PCDHA13: variants seen among roughly 807,000 people sequenced by gnomAD.
PCDHA13 encodes protocadherin alpha 13, also known as protocadherin alpha-13.
In PCDHA13, 54 loss-of-function variants were observed where a neutral mutation model predicts 64.8. The observed-to-expected ratio is 0.83, with a 90% CI of 0.67 to 1.04. The LOEUF is 1.04. Among genes scored for constraint, PCDHA13 ranks in the 50% least tolerant of loss-of-function variants. The pLI, the probability that PCDHA13 is intolerant of heterozygous loss-of-function variation, is 0.00. For synonymous variants in PCDHA13, 587 were observed against 564.4 expected, an observed-to-expected ratio of 1.04 and a Z score of -0.57; for missense variants, 1,248 against 1,254.3, an observed-to-expected ratio of 0.99 and a Z score of 0.08.
intron 1 of PCDHA13, chr5:140,927,924 T>C: frequency 1.2e-6 from 2 of 1,614,204 alleles, no homozygotes; most frequent in Non-Finnish European, 1.7e-6. Context: ...ACTTCCTGAC[T>C]CTTTCGAACC....
chr5:140,962,023 A>G (rs565113928), intron 1 of PCDHA13, among the ~76,000 whole-genome samples: 3 of 152,062 alleles, frequency 2.0e-5, no homozygotes, highest in African/African-American at 7.2e-5. Flanking sequence ...AGCTGGGACT[A>G]CAGGCACCCA....
rs73793550 is a variant in PCDHA13 at position 140,989,564 on chromosome 5, C to T, written c.2542+7001C>T. On this transcript the variant is annotated intron_variant, in intron 3 of 3. Transcript: ENST00000289272. ...GTAATTCCTTTACGTTTTGTGGCTC[C>T]GGCAAGCCCTGTCCTCAGCCTCACT... is the stretch of plus-strand genomic sequence containing the variant. Among the ~76,000 whole-genome samples the T allele has an allele frequency of 6.0e-3, 907 of 152,216 alleles. 13 individuals carry two copies. Among genetic ancestry groups the T allele is most frequent in the African/African-American group, 0.021 (852 of 41,530 alleles).
intron 1 of PCDHA13, among the ~76,000 whole-genome samples, chr5:140,904,259 C>T (rs2070990539): frequency 6.6e-6 from 1 of 152,066 alleles, no homozygotes. Context: ...GCTTAGCTCC[C>T]ACTTATGAAT....
intron 3 of PCDHA13, among the ~76,000 whole-genome samples, chr5:140,990,735 C>T (rs1554251705): frequency 6.6e-6 from 1 of 152,112 alleles, no homozygotes; most frequent in African/African-American, 2.4e-5. Flanking sequence ...ATATCAACAG[C>T]CCTAGGGTGG....
intron 1 of PCDHA13, among the ~76,000 whole-genome samples, chr5:140,943,341 G>T (rs1021651625): frequency 5.3e-5 from 8 of 151,780 alleles, no homozygotes; most frequent in African/African-American, 1.9e-4. Context: ...CATTGGACAG[G>T]ATGAGAGTAG....
chr5:140,929,138 G>C (rs150967804), intron 1 of PCDHA13: 183 of 1,614,054 alleles, frequency 1.1e-4, no homozygotes, highest in Non-Finnish European at 1.5e-4. Context: ...ACAGTTGAGA[G>C]ACTTTCTCAG....
At chr5:140,926,704 T>A in intron 1 of PCDHA13, 1 of 842,670 alleles carries the variant, frequency 1.2e-6, no homozygotes, top group Non-Finnish European at 1.7e-6. Context: ...GGCTCCCAGC[T>A]GGCCAGCCCC....
At chr5:140,985,075 C>G (rs1477852280) in intron 3 of PCDHA13, among the ~76,000 whole-genome samples, 2 of 151,968 alleles carry the variant, frequency 1.3e-5, no homozygotes, top group Non-Finnish European at 2.9e-5. Context: ...GTAGCTGAGA[C>G]TACAGGCGTG....
intron 1 of PCDHA13, among the ~76,000 whole-genome samples, chr5:140,972,550 A>G (rs534377572): frequency 6.6e-6 from 1 of 152,114 alleles, no homozygotes; most frequent in Admixed American, 6.5e-5. Context: ...TGCAGTGAGG[A>G]TTCTGAAGTA....
At chr5:140,994,636 T>C (rs1243732393) in intron 3 of PCDHA13, among the ~76,000 whole-genome samples, 1 of 151,996 alleles carries the variant, frequency 6.6e-6, no homozygotes, top group Admixed American at 6.6e-5. Flanking sequence ...ACCTGGAAGG[T>C]GGAGGTTGCA....
intron 1 of PCDHA13, among the ~76,000 whole-genome samples, chr5:140,964,320 T>C (rs782388382): frequency 1.3e-5 from 2 of 152,206 alleles, no homozygotes; most frequent in Non-Finnish European, 2.9e-5. Context: ...TAAAACAGCA[T>C]AATGGACAAC....
At chr5:140,935,570 T>C (rs2090442737) in intron 1 of PCDHA13, among the ~76,000 whole-genome samples, 1 of 152,236 alleles carries the variant, frequency 6.6e-6, no homozygotes, top group South Asian at 2.1e-4. Context: ...TTCCTCTCTG[T>C]GTAGTTAAGC....
chr5:140,903,840 T>C (rs2070655374), intron 1 of PCDHA13, among the ~76,000 whole-genome samples: 1 of 152,196 alleles, frequency 6.6e-6, no homozygotes, highest in African/African-American at 2.4e-5. Flanking sequence ...GGTATTTTCA[T>C]TTATCTTAAC....
At chr5:140,952,180 T>C (rs1034052117) in intron 1 of PCDHA13, among the ~76,000 whole-genome samples, 4 of 151,968 alleles carry the variant, frequency 2.6e-5, no homozygotes, top group Admixed American at 2.0e-4. Context: ...CTGCAGCTGC[T>C]CTCATGGGTT....
Position 140,928,056 on chromosome 5 carries a change from G to A in PCDHA13, c.2394+43394G>A, listed in dbSNP as rs183490994. ...CTAGTGCAGGCCCTTTTCAGCTGAC[G>A]GCTTCCTTTGACAACTACTACAGCC... On this transcript the variant is annotated intron_variant, in intron 1 of 3. Coordinates refer to ENST00000289272, the MANE Select transcript of PCDHA13 (RefSeq NM_018904.3). The A allele has an allele frequency of 2.8e-5, 45 of 1,614,154 alleles. 1 individual carries two copies. The East Asian group carries it at 4.7e-4, about 17-fold the overall frequency.
intron 1 of PCDHA13, among the ~76,000 whole-genome samples, chr5:140,887,132 T>A (rs2061321769): frequency 6.6e-6 from 1 of 151,950 alleles, no homozygotes; most frequent in Non-Finnish European, 1.5e-5. Context: ...AGTCTCACTC[T>A]GTCGCCCAGG....
rs77462249 is a variant in PCDHA13 at position 141,008,293 on chromosome 5, C to G, written c.2543-1334C>G. ...ATAGGAAATTGAAATAGCAGTTGTA[C>G]CCAACCCTAAACTGTAATTGAACAT... On this transcript the variant is annotated intron_variant, in intron 3 of 3. Coordinates refer to ENST00000289272, the MANE Select transcript of PCDHA13 (RefSeq NM_018904.3). 3.5e-3 allele frequency among the ~76,000 whole-genome samples: 527 copies of G among 152,254 alleles called. 1 individual carries two copies. The highest frequency in any genetic ancestry group is 5.9e-3 in the Non-Finnish European group (399 of 68,006).
chr5:140,929,470 T>G (rs1554207109), intron 1 of PCDHA13: 3 of 1,296,742 alleles, frequency 2.3e-6, no homozygotes, highest in Admixed American at 2.9e-5. Context: ...CCAAGAAATC[T>G]GGAAGTATAG....
rs543030376 is a variant in PCDHA13, at chr5:140,961,758, G to A, written c.2395-17191G>A. 3.3e-5 allele frequency among the ~76,000 whole-genome samples: 5 copies of A among 152,240 alleles called. No individual in the cohort carries two copies. In the South Asian group the frequency reaches 8.3e-4, roughly 25 times the overall value. On this transcript the variant is annotated intron_variant, in intron 1 of 3. Coordinates refer to ENST00000289272, the MANE Select transcript of PCDHA13 (RefSeq NM_018904.3). ...CTTTAGTAATATTACAGTTTTGAAG[G>A]AATTTATATCAAGCTTAATGGCACT...
Sources: gnomAD v4.1 joint callset for allele counts (sites outside exome capture counted in the v4.1 genomes callset) on GRCh38, gnomAD v4.1.1 for gene constraint, MANE v1.5 for transcripts, NCBI Gene and HGNC (gene_info 2026-07-23, HGNC 2026-07-21) for gene names.